The following DHX8 variants were observed in gnomAD, a reference collection of about 807,000 sequenced individuals.
The protein encoded by DHX8 is DEAH-box helicase 8.
Under a neutral mutation model 140.7 loss-of-function variants are expected in DHX8, and 67 were observed. The observed-to-expected ratio is 0.48, with a 90% CI of 0.39 to 0.58. The LOEUF (loss-of-function observed/expected upper bound fraction) is 0.58, where lower values mean the gene tolerates loss of function less well. Among genes scored for constraint, DHX8 ranks in the 20% least tolerant of loss-of-function variants. DHX8 has a pLI of 0.00. For synonymous variants in DHX8, 533 were observed against 553.2 expected, an observed-to-expected ratio of 0.96 and a Z score of 0.51; for missense variants, 887 against 1,550.7, an observed-to-expected ratio of 0.57 and a Z score of 7.19.
chr17:43,538,803 A>ACTCTCCTTCCCTGGAGACTGCT (rs983404701), intron 3 of DHX8, among the ~76,000 whole-genome samples: 2 of 151,482 alleles, frequency 1.3e-5, no homozygotes, highest in Non-Finnish European at 2.9e-5. Context: ...AGGAGGCTGG[A>ACTCTCCTTCCCTGGAGACTGCT]CTCTCCTTCC....
intron 3 of DHX8, among the ~76,000 whole-genome samples, chr17:43,538,624 G>GTGGT (rs1217134931): frequency 6.6e-6 from 1 of 152,210 alleles, no homozygotes; most frequent in Non-Finnish European, 1.5e-5. Context: ...GGCTTCTCAG[G>GTGGT]TGGTTATACA....
Position 43,506,877 on chromosome 17 carries a change from A to G in DHX8, c.1729-126A>G, listed in dbSNP as rs1469768471. The G allele has an allele frequency of 4.5e-6, 3 of 661,622 alleles. No homozygotes were observed. The East Asian group carries it at 9.1e-5, about 20-fold the overall frequency. 41.0% of individuals were successfully genotyped at this position (661,622 alleles called of 1,614,324 possible). Reference sequence around the variant, plus strand: ...GTATATTCCTCTTTTCTTTGGTGTTAGAATATAGTAATTATTTTATTCCAG... The same window carrying G: ...GTATATTCCTCTTTTCTTTGGTGTTGGAATATAGTAATTATTTTATTCCAG... On this transcript the variant is annotated intron_variant, in intron 12 of 22. Coordinates refer to ENST00000262415, the MANE Select transcript of DHX8 (RefSeq NM_004941.3).
chr17:43,526,620 G>A (rs1197490692), downstream of DHX8: 1 of 1,535,330 alleles, frequency 6.5e-7, no homozygotes, highest in Admixed American at 2.0e-5. Context: ...GAGGGCAGAG[G>A]GCCATCATCT....
intron 11 of DHX8, among the ~76,000 whole-genome samples, chr17:43,500,486 C>T (rs187205737): frequency 2.0e-5 from 3 of 150,578 alleles, no homozygotes; most frequent in East Asian, 2.0e-4. Flanking sequence ...CACTCCATCT[C>T]GAAAAAAAAA....
At chr17:43,498,119 T>A (rs1968969588) in intron 9 of DHX8, among the ~76,000 whole-genome samples, 1 of 151,586 alleles carries the variant, frequency 6.6e-6, no homozygotes, top group Non-Finnish European at 1.5e-5. Flanking sequence ...CTTGCATTGC[T>A]GTCCTTTGAC....
chr17:43,528,736 C>T, downstream of DHX8: 1 of 1,613,970 alleles, frequency 6.2e-7, no homozygotes, highest in Non-Finnish European at 8.5e-7. Context: ...GTAACGCTCA[C>T]CAGCCACCTA....
Position 43,492,214 on chromosome 17 carries a change from C to T in DHX8, c.425C>T (p.Ala142Val), listed in dbSNP as rs866556317. ...TMLDEDDVKV[A>V]VDVLKELEAL... ...TTGGATGAAGATGATGTGAAAGTTG[C>T]TGTGGATGTCCTGAAAGAACTGGAA... Residue 142 changes from alanine to valine, a missense_variant, in exon 5 of 23, where the codon GCT (alanine) becomes GTT (valine). This residue lies in a region of DHX8 where 304 missense variants were observed against 306.9 expected (regional missense o/e 0.99). Coordinates refer to ENST00000262415, the MANE Select transcript of DHX8 (RefSeq NM_004941.3). 6.2e-7 allele frequency: 1 copy of T among 1,614,062 alleles called. No homozygotes were observed. Among genetic ancestry groups the T allele is most frequent in the South Asian group, 1.1e-5 (1 of 91,074 alleles).
chr17:43,503,429 G>A (rs1268756055), intron 11 of DHX8, among the ~76,000 whole-genome samples: 8 of 151,908 alleles, frequency 5.3e-5, no homozygotes, highest in Non-Finnish European at 1.0e-4. Context: ...CCTGGGAGGC[G>A]GAGGTTGCAG....
chr17:43,498,748 CA>C (rs1484576075), intron 9 of DHX8, 113 bp from the exon 10 acceptor site: 9 of 778,744 alleles, frequency 1.2e-5, no homozygotes, highest in Middle Eastern at 2.6e-4. Context: ...CATGCCCCAC[CA>C]GGGGAAGCTG....
chr17:43,520,434 T>G (rs544361771), intron 19 of DHX8, among the ~76,000 whole-genome samples, 167 bp downstream of exon 19: 1 of 152,256 alleles, frequency 6.6e-6, no homozygotes, highest in Admixed American at 6.5e-5. Context: ...AAACTGTTTC[T>G]TCTTTATACA....
rs142254386 is a variant in DHX8, at chr17:43,495,889, A to G, written c.1213-292A>G. On this transcript the variant is annotated intron_variant, in intron 8 of 22. Coordinates refer to ENST00000262415, the MANE Select transcript of DHX8 (RefSeq NM_004941.3). Reference sequence around the variant, plus strand: ...CAAGGCAGGAGGATTGCTTGAGGCCAGGAGTTTGAGACCAGCCTGGACAAG... The same window carrying G: ...CAAGGCAGGAGGATTGCTTGAGGCCGGGAGTTTGAGACCAGCCTGGACAAG... Among the ~76,000 whole-genome samples the G allele has an allele frequency of 5.5e-3, 833 of 152,252 alleles. 12 individuals are homozygous for G. Among genetic ancestry groups the G allele is most frequent in the African/African-American group, 0.019 (809 of 41,558 alleles).
downstream of DHX8, chr17:43,528,235 G>T: frequency 2.8e-6 from 1 of 360,310 alleles, no homozygotes; most frequent in Non-Finnish European, 5.0e-6. Flanking sequence ...TGGGGAAAAG[G>T]TGTGGGGGGC....
At chr17:43,538,898 G>A (rs1014632858) in intron 3 of DHX8, among the ~76,000 whole-genome samples, 2 of 152,130 alleles carry the variant, frequency 1.3e-5, no homozygotes, top group Non-Finnish European at 2.9e-5. Context: ...AGGTCAAAAT[G>A]GCTGGTGAGG....
At chr17:43,533,353 AG>A in intron 2 of DHX8, 1 of 1,611,394 alleles carries the variant, frequency 6.2e-7, no homozygotes, top group South Asian at 1.1e-5. Flanking sequence ...TAGGCACTGG[AG>A]TTGAGAAGGA....
chr17:43,521,906 C>T, intron 21 of DHX8, 141 bp from the exon 22 acceptor site: 1 of 834,606 alleles, frequency 1.2e-6, no homozygotes, highest in Non-Finnish European at 1.9e-6. Context: ...TGTAGAGCTG[C>T]CTCTGTAGTA....
intron 20 of DHX8, 85 bp downstream of exon 20, chr17:43,520,964 CTTTTTTTTTTTTT>C (rs10672223): frequency 2.8e-6 from 1 of 358,210 alleles, no homozygotes; most frequent in Non-Finnish European, 3.9e-6. Flanking sequence ...TTGATGTGGA[CTTTTTTTTTTTTT>C]TTTTTTTTTT....
At chr17:43,493,999 T>A in intron 8 of DHX8, 113 bp downstream of exon 8, 1 of 1,001,448 alleles carries the variant, frequency 1.0e-6, no homozygotes, top group Non-Finnish European at 1.5e-6. Flanking sequence ...TGTATTAGTC[T>A]GTTTTCACAC....
intron 17 of DHX8, among the ~76,000 whole-genome samples, chr17:43,516,220 G>C (rs1970108108): frequency 6.6e-6 from 1 of 151,564 alleles, no homozygotes; most frequent in Non-Finnish European, 1.5e-5. Context: ...TTCAATATTT[G>C]GTAAAATCTA....
intron 1 of DHX8, among the ~76,000 whole-genome samples, chr17:43,486,062 G>A (rs1968124121): frequency 6.6e-6 from 1 of 152,008 alleles, no homozygotes; most frequent in Admixed American, 6.6e-5. Flanking sequence ...AAATTAGCTG[G>A]CCATGGTGAC....
Sources: gnomAD v4.1 joint callset for allele counts (sites outside exome capture counted in the v4.1 genomes callset) on GRCh38, gnomAD v4.1.1 for gene constraint, gnomAD v4.1.1 regional missense constraint, MANE v1.5 for transcripts, NCBI Gene and HGNC (gene_info 2026-07-23, HGNC 2026-07-21) for gene names.